Variants in THSD7B observed in about 807,000 individuals in gnomAD.
THSD7B encodes the protein thrombospondin type-1 domain-containing protein 7B.
In THSD7B, 138 loss-of-function variants were observed where a neutral mutation model predicts 213.6. The ratio of observed to expected loss-of-function variants is 0.65; its 90% CI spans 0.56 to 0.74. The LOEUF (loss-of-function observed/expected upper bound fraction) is 0.74. Ranked by LOEUF, THSD7B falls within the 30% of genes least tolerant of loss-of-function variation. The pLI, the probability that THSD7B is intolerant of heterozygous loss-of-function variation, is 0.00. For synonymous variants in THSD7B, 742 were observed against 687.0 expected, an observed-to-expected ratio of 1.08 and a Z score of -1.25; for missense variants, 1,931 against 1,991.5, an observed-to-expected ratio of 0.97 and a Z score of 0.58.
chr2:137,498,878 T>C (rs1679636027), intron 15 of THSD7B, among the ~76,000 whole-genome samples: 1 of 152,192 alleles, frequency 6.6e-6, no homozygotes, highest in East Asian at 1.9e-4. Flanking sequence ...CCCCACTTTT[T>C]TCAGGAATCT....
At chr2:137,343,071 G>GTTTTTTT (rs570246459) in intron 12 of THSD7B, among the ~76,000 whole-genome samples, 1 of 133,250 alleles carries the variant, frequency 7.5e-6, no homozygotes. Context: ...ATTCCCTTCT[G>GTTTTTTT]TTTTTTTTTT....
chr2:137,641,303 G>A (rs1039394034), intron 20 of THSD7B, among the ~76,000 whole-genome samples: 1 of 152,094 alleles, frequency 6.6e-6, no homozygotes, highest in Admixed American at 6.5e-5. Context: ...TCCCTCCTCT[G>A]TGTGGCGTAC....
intron 15 of THSD7B, among the ~76,000 whole-genome samples, chr2:137,522,679 C>A (rs998873587): frequency 5.3e-5 from 8 of 152,106 alleles, no homozygotes; most frequent in African/African-American, 1.9e-4. Flanking sequence ...TGTCATAAAT[C>A]CAGCTCCATT....
intron 10 of THSD7B, among the ~76,000 whole-genome samples, chr2:137,253,312 G>T (rs1265160849): frequency 6.6e-6 from 1 of 152,156 alleles, no homozygotes; most frequent in African/African-American, 2.4e-5. Flanking sequence ...GCAAATGTAG[G>T]TTTAGTGTGT....
At chr2:137,600,885 C>G (rs1036847155) in intron 17 of THSD7B, among the ~76,000 whole-genome samples, 6 of 152,124 alleles carry the variant, frequency 3.9e-5, no homozygotes, top group African/African-American at 1.4e-4. Context: ...TAGGACAAGA[C>G]AGGGAGGTGG....
At chr2:137,166,965 G>A (rs1160200792) in intron 6 of THSD7B, among the ~76,000 whole-genome samples, 2 of 152,030 alleles carry the variant, frequency 1.3e-5, no homozygotes, top group East Asian at 3.9e-4. Flanking sequence ...ATTTACACCA[G>A]GCTGTGGACT....
intron 1 of THSD7B, among the ~76,000 whole-genome samples, chr2:136,854,729 TCTTTA>T (rs1233363185): frequency 1.3e-5 from 2 of 151,560 alleles, no homozygotes; most frequent in African/African-American, 4.9e-5. Flanking sequence ...TTTTCCTCTG[TCTTTA>T]CTTAGCTCTC....
intron 3 of THSD7B, among the ~76,000 whole-genome samples, chr2:137,085,671 G>A (rs1363287303): frequency 6.6e-6 from 1 of 152,028 alleles, no homozygotes; most frequent in Admixed American, 6.6e-5. Flanking sequence ...TCCATAAAAG[G>A]AGGACCTGTA....
intron 17 of THSD7B, among the ~76,000 whole-genome samples, chr2:137,580,645 G>A (rs986821118): frequency 6.6e-6 from 1 of 152,092 alleles, no homozygotes; most frequent in Non-Finnish European, 1.5e-5. Flanking sequence ...TCATGTTGCT[G>A]TAAAGAAATA....
chr2:136,923,838 A>G (rs1367802935), intron 2 of THSD7B, among the ~76,000 whole-genome samples: 1 of 152,132 alleles, frequency 6.6e-6, no homozygotes, highest in Non-Finnish European at 1.5e-5. Context: ...AGTTCCTTAT[A>G]TGTTCTGGAT....
At chr2:137,040,185 T>C (rs1011577322) in intron 2 of THSD7B, among the ~76,000 whole-genome samples, 1 of 152,116 alleles carries the variant, frequency 6.6e-6, no homozygotes, top group Non-Finnish European at 1.5e-5. Flanking sequence ...CCAAAGGAAC[T>C]CTTTGATGAG....
intron 2 of THSD7B, chr2:136,906,670 A>C (rs1414527424): frequency 2.0e-5 from 3 of 152,168 alleles, no homozygotes; most frequent in African/African-American, 7.2e-5. Context: ...CTGTTTAGGA[A>C]ATAAAGAATT....
intron 20 of THSD7B, among the ~76,000 whole-genome samples, chr2:137,639,240 G>A (rs537321782): frequency 1.3e-5 from 2 of 152,286 alleles, no homozygotes; most frequent in South Asian, 2.1e-4. Context: ...GCTGAAAGGG[G>A]CCAACATGAA....
At chr2:136,861,042 A>C (rs1683250573) in intron 1 of THSD7B, among the ~76,000 whole-genome samples, 1 of 152,250 alleles carries the variant, frequency 6.6e-6, no homozygotes, top group Non-Finnish European at 1.5e-5. Context: ...CTGCATTCTT[A>C]GCACAAGGAC....
chr2:137,437,299 TCCCACTCCC>T (rs1384031101), intron 14 of THSD7B, among the ~76,000 whole-genome samples: 1 of 152,116 alleles, frequency 6.6e-6, no homozygotes, highest in African/African-American at 2.4e-5. Context: ...TGATGTTGTC[TCCCACTCCC>T]CCCATGCATT....
At chr2:136,884,456 A>T (rs1683682593) in intron 2 of THSD7B, among the ~76,000 whole-genome samples, 1 of 152,182 alleles carries the variant, frequency 6.6e-6, no homozygotes. Context: ...GCTCCACCTC[A>T]CTTTCCTCCA....
Position 137,464,149 on chromosome 2 carries a change from G to A in THSD7B, c.3138+13126G>A, listed in dbSNP as rs149062801. Among the ~76,000 whole-genome samples the A allele has an allele frequency of 2.0e-5, 3 of 152,054 alleles. No homozygotes were observed. The East Asian group carries it at 5.8e-4, about 30-fold the overall frequency. ...CTTTAGGTCCATCATAATTGATAGA[G>A]GGGCATCTGGTTGGGTCTCTCACAT... On this transcript the variant is annotated intron_variant, in intron 15 of 27. Transcript: ENST00000409968.
intron 10 of THSD7B, among the ~76,000 whole-genome samples, chr2:137,257,699 A>T (rs771473385): frequency 3.9e-5 from 6 of 152,200 alleles, no homozygotes; most frequent in Non-Finnish European, 8.8e-5. Context: ...CCAGGCCAGG[A>T]TCCTAACTGG....
In THSD7B at chr2:137,460,738, C is replaced by G. The variant is rs549083908; in HGVS notation, c.3138+9715C>G. On this transcript the variant is annotated intron_variant, in intron 15 of 27. Transcript: ENST00000409968. ...GAAGGAGTGCAGACAGAAAGGCACA[C>G]AAATCATTAGGTACACAACTCTATG... Among the ~76,000 whole-genome samples the G allele has an allele frequency of 1.5e-3, 221 of 152,162 alleles. 2 individuals are homozygous for G. The highest frequency in any genetic ancestry group is 5.1e-3 in the African/African-American group (213 of 41,518).
Sources: allele counts gnomAD v4.1 joint callset (sites outside exome capture counted in the v4.1 genomes callset), GRCh38; gene constraint gnomAD v4.1.1; transcripts MANE v1.5; gene names NCBI Gene and HGNC (gene_info 2026-07-23, HGNC 2026-07-21).